TMEM272: variants seen among roughly 807,000 people sequenced by gnomAD.
TMEM272 encodes the protein long intergenic non-protein coding RNA 282.
In TMEM272, 8 loss-of-function variants were observed where a neutral mutation model predicts 3.7. The observed-to-expected ratio is 2.17, with a 90% CI of 1.27 to 3.91. The LOEUF (loss-of-function observed/expected upper bound fraction) is 3.91, where lower values mean the gene tolerates loss of function less well. Ranked by LOEUF, TMEM272 falls within the 30% of genes most tolerant of loss-of-function variation. The probability of loss-of-function intolerance (pLI) is 0.00; values close to 1 mark genes in which losing one functional copy is unlikely to be tolerated. For missense variants in TMEM272, 166 were observed against 91.5 expected, an observed-to-expected ratio of 1.81 and a Z score of -3.32; for synonymous variants, 63 against 39.8, an observed-to-expected ratio of 1.58 and a Z score of -2.20.
the TMEM272 span, among the ~76,000 whole-genome samples, chr13:51,907,450 A>G: frequency 2.0e-5 from 3 of 152,024 alleles, no homozygotes; most frequent in Non-Finnish European, 4.4e-5. Flanking sequence ...TCAGCCTTCC[A>G]CAGGACTCAC....
chr13:51,841,498 A>G (rs1022664755), intron 1 of TMEM272, among the ~76,000 whole-genome samples: 1 of 152,206 alleles, frequency 6.6e-6, no homozygotes, highest in African/African-American at 2.4e-5. Flanking sequence ...TTATAACAAG[A>G]CATTTCTACC....
At chr13:51,910,378 G>A in the TMEM272 span, 1 of 1,076,806 alleles carries the variant, frequency 9.3e-7, no homozygotes, top group Non-Finnish European at 1.4e-6. Flanking sequence ...AGTCCAGAAA[G>A]CGCTATAGCA....
At chr13:51,900,063 G>T in the TMEM272 span, among the ~76,000 whole-genome samples, 1 of 151,992 alleles carries the variant, frequency 6.6e-6, no homozygotes, top group Admixed American at 6.6e-5. Context: ...GAAAACCTGG[G>T]AATAAATCTT....
At chr13:51,916,094 T>C in the TMEM272 span, among the ~76,000 whole-genome samples, 1 of 152,138 alleles carries the variant, frequency 6.6e-6, no homozygotes, top group South Asian at 2.1e-4. Flanking sequence ...AAAAAATCAC[T>C]GACACTTAAC....
Position 51,813,395 on chromosome 13 carries a change from G to A in TMEM272, c.*3356C>T, listed in dbSNP as rs1955985515. The A allele has an allele frequency of 2.5e-6, 1 of 397,654 alleles. No individual in the cohort carries two copies. Among genetic ancestry groups the A allele is most frequent in the Admixed American group, 4.4e-5 (1 of 22,696 alleles). The allele number at this position is 397,654 out of a possible 1,614,324, so 24.6% of individuals were successfully genotyped here. A position where few individuals can be genotyped will look rare whatever the true frequency, so the allele number is the denominator to read the frequency against. On this transcript the variant is annotated 3_prime_UTR_variant, in exon 5 of 5. Transcript: ENST00000629372. Reference sequence around the variant, plus strand: ...ATCAACAATGAAAAATGCCCAGAAGGAAATGAAGCACAAGATTCAGTTACA... The same window carrying A: ...ATCAACAATGAAAAATGCCCAGAAGAAAATGAAGCACAAGATTCAGTTACA...
At chr13:51,927,781 G>A in the TMEM272 span, among the ~76,000 whole-genome samples, 5 of 152,144 alleles carry the variant, frequency 3.3e-5, no homozygotes, top group Admixed American at 6.5e-5. Flanking sequence ...ACTTGGGGAT[G>A]CCCCATCAGT....
chr13:51,918,941 A>G, the TMEM272 span, among the ~76,000 whole-genome samples: 1 of 150,372 alleles, frequency 6.7e-6, no homozygotes, highest in East Asian at 2.0e-4. Flanking sequence ...AGCCACCATG[A>G]CCGGCCCCAT....
chr13:51,857,363 C>T, the TMEM272 span, among the ~76,000 whole-genome samples: 1 of 151,330 alleles, frequency 6.6e-6, no homozygotes, highest in Non-Finnish European at 1.5e-5. Flanking sequence ...AACAGAAGCA[C>T]AGAGATGCAG....
chr13:51,923,743 G>A, the TMEM272 span, among the ~76,000 whole-genome samples: 1 of 143,974 alleles, frequency 6.9e-6, no homozygotes, highest in Admixed American at 6.9e-5. Flanking sequence ...GAAGGAAGGG[G>A]AGGGGAGGGG....
upstream of TMEM272, among the ~76,000 whole-genome samples, chr13:51,846,691 A>G (rs1247523277): frequency 6.6e-6 from 1 of 152,204 alleles, no homozygotes; most frequent in Non-Finnish European, 1.5e-5. Flanking sequence ...CCCCTGAAGA[A>G]CTTCCAGTGG....
At chr13:51,859,292 G>A in the TMEM272 span, among the ~76,000 whole-genome samples, 2 of 152,116 alleles carry the variant, frequency 1.3e-5, no homozygotes, top group Middle Eastern at 3.4e-3. Context: ...AGAATAAGAC[G>A]GAGACTTTGA....
chr13:51,895,163 C>A, the TMEM272 span, among the ~76,000 whole-genome samples: 1 of 152,164 alleles, frequency 6.6e-6, no homozygotes, highest in Non-Finnish European at 1.5e-5. Flanking sequence ...TCCTAACAGG[C>A]CATGGACAAG....
At chr13:51,908,065 A>C in the TMEM272 span, among the ~76,000 whole-genome samples, 1 of 152,234 alleles carries the variant, frequency 6.6e-6, no homozygotes, top group Admixed American at 6.5e-5. Context: ...TTCCTATTTA[A>C]ATCATCCTTA....
rs1259950289 is a variant in TMEM272, at chr13:51,822,138, C to T, written c.119-1G>A. ...GGGCAGTCCTCCAAAAATTTCATTC[C>T]TACATAGGGCAAACAGAAGAGGATT... On this transcript the variant is annotated splice_acceptor_variant, in intron 3 of 4. Transcript: ENST00000629372. LOFTEE classifies it high-confidence loss of function. 4.3e-6 allele frequency: 3 copies of T among 694,766 alleles called. No individual in the cohort carries two copies. Among genetic ancestry groups the T allele is most frequent in the Non-Finnish European group, 7.8e-6 (3 of 382,362 alleles). The allele number at this position is 694,766 out of a possible 1,614,324, so 43.0% of individuals were successfully genotyped here.
the TMEM272 span, chr13:51,908,600 A>T: frequency 6.8e-7 from 1 of 1,480,202 alleles, no homozygotes; most frequent in East Asian, 2.4e-5. Flanking sequence ...GGAGAGATGA[A>T]TCAGCCACAT....
chr13:51,874,357 T>A, the TMEM272 span, among the ~76,000 whole-genome samples: 66,253 of 152,080 alleles, frequency 0.44, 16,054 homozygotes, highest in Non-Finnish European at 0.54. Context: ...TTTTTTTAAC[T>A]AAGAACCAGG....
chr13:51,841,364 A>G (rs1408338229), intron 1 of TMEM272, among the ~76,000 whole-genome samples: 4 of 152,236 alleles, frequency 2.6e-5, no homozygotes, highest in African/African-American at 9.6e-5. Flanking sequence ...TGGAGTCGCC[A>G]CTGATTTACA....
the TMEM272 span, among the ~76,000 whole-genome samples, chr13:51,864,176 A>C: frequency 1.4e-5 from 2 of 140,926 alleles, no homozygotes; most frequent in Non-Finnish European, 3.0e-5. Flanking sequence ...TTTTATTGTG[A>C]AATATACTGT....
At chr13:51,831,543 G>C (rs748550260) in intron 2 of TMEM272, among the ~76,000 whole-genome samples, 1 of 152,198 alleles carries the variant, frequency 6.6e-6, no homozygotes, top group Non-Finnish European at 1.5e-5. Flanking sequence ...GCTGGGGTTG[G>C]GCTAGGTTGT....
Sources: gnomAD v4.1 joint callset for allele counts (sites outside exome capture counted in the v4.1 genomes callset) on GRCh38, gnomAD v4.1.1 for gene constraint, MANE v1.5 for transcripts, NCBI Gene and HGNC (gene_info 2026-07-23, HGNC 2026-07-21) for gene names.